Variants in SMAP1 observed in about 807,000 individuals in gnomAD.
SMAP1 encodes the protein small ArfGAP 1.
A neutral mutation model predicts 58.5 loss-of-function variants in SMAP1; 24 were observed. That is an observed-to-expected ratio of 0.41 (90% confidence interval 0.30 to 0.58). SMAP1 has a LOEUF of 0.58. Among genes scored for constraint, SMAP1 ranks in the 20% least tolerant of loss-of-function variants. The pLI, the probability that SMAP1 is intolerant of heterozygous loss-of-function variation, is 0.29. For synonymous variants in SMAP1, 216 were observed against 196.6 expected, an observed-to-expected ratio of 1.10 and a Z score of -0.82; for missense variants, 563 against 566.3, an observed-to-expected ratio of 0.99 and a Z score of 0.06.
chr6:70,833,489 C>G (rs1366508911), intron 6 of SMAP1, among the ~76,000 whole-genome samples: 1 of 152,084 alleles, frequency 6.6e-6, no homozygotes, highest in Non-Finnish European at 1.5e-5. Context: ...GATGCCAACT[C>G]TAAGGATAAT....
intron 4 of SMAP1, among the ~76,000 whole-genome samples, chr6:70,775,317 ATTATAT>A (rs1175879392): frequency 6.6e-6 from 1 of 152,146 alleles, no homozygotes; most frequent in East Asian, 1.9e-4. Flanking sequence ...AATTTTAAAA[ATTATAT>A]TTGTATTATG....
intron 6 of SMAP1, among the ~76,000 whole-genome samples, chr6:70,817,586 T>G (rs2149977605): frequency 6.6e-6 from 1 of 152,292 alleles, no homozygotes; most frequent in South Asian, 2.1e-4. Context: ...CAGGACTTAT[T>G]GAGAGTGTTC....
chr6:70,711,820 T>A (rs530176597), intron 1 of SMAP1, among the ~76,000 whole-genome samples: 1 of 152,278 alleles, frequency 6.6e-6, no homozygotes, highest in African/African-American at 2.4e-5. Context: ...GCCTAATATG[T>A]ATATATTTTT....
intron 4 of SMAP1, among the ~76,000 whole-genome samples, chr6:70,774,995 G>A (rs1767489005): frequency 6.7e-6 from 1 of 150,064 alleles, no homozygotes; most frequent in African/African-American, 2.5e-5. Context: ...GGGCAACAGA[G>A]TAAGATTCTG....
intron 5 of SMAP1, among the ~76,000 whole-genome samples, chr6:70,792,203 C>G (rs565081804): frequency 6.6e-6 from 1 of 152,152 alleles, no homozygotes; most frequent in Admixed American, 6.5e-5. Context: ...TCAGAATCAT[C>G]AATGACAACT....
chr6:70,749,147 G>A (rs1310447279), intron 2 of SMAP1, among the ~76,000 whole-genome samples: 1 of 152,174 alleles, frequency 6.6e-6, no homozygotes, highest in Non-Finnish European at 1.5e-5. Context: ...AAGGCGAGGG[G>A]AAAGCAAGGC....
chr6:70,832,078 C>T (rs549066642), intron 6 of SMAP1, among the ~76,000 whole-genome samples: 12 of 151,962 alleles, frequency 7.9e-5, no homozygotes, highest in African/African-American at 1.4e-4. Context: ...TTTTGAAAAG[C>T]GCTTATGTCC....
In SMAP1 at chr6:70,668,215, G is replaced by C. The variant is rs538468540; in HGVS notation, c.118+74G>C. The C allele has an allele frequency of 8.8e-6, 12 of 1,368,072 alleles. No homozygotes were observed. In the African/African-American group the frequency reaches 1.8e-4, roughly 21 times the overall value. The allele number at this position is 1,368,072 out of a possible 1,614,324, so 84.7% of individuals were successfully genotyped here. ...TGACCTTCCCGCCGCTGCGGCGCTC[G>C]GGGCCCGAGCGGACGCCTCGGCTTC... is the stretch of plus-strand genomic sequence containing the variant. On this transcript the variant is annotated intron_variant, in intron 1 of 10. Coordinates refer to ENST00000370455, the MANE Select transcript of SMAP1 (RefSeq NM_001044305.3).
intron 1 of SMAP1, among the ~76,000 whole-genome samples, chr6:70,714,724 ATGT>A (rs1490150425): frequency 1.3e-5 from 2 of 152,100 alleles, no homozygotes; most frequent in South Asian, 4.1e-4. Context: ...AAAAAACATT[ATGT>A]TGTTGTTTTG....
chr6:70,751,003 G>A (rs1466759180), intron 2 of SMAP1, among the ~76,000 whole-genome samples: 4 of 152,166 alleles, frequency 2.6e-5, no homozygotes, highest in African/African-American at 9.7e-5. Flanking sequence ...ACTTTGGGAG[G>A]CCCAGGCGGG....
chr6:70,791,589 AT>A, intron 4 of SMAP1, 99 bp from the exon 5 acceptor site: 3 of 915,584 alleles, frequency 3.3e-6, no homozygotes, highest in Non-Finnish European at 5.0e-6. Context: ...GTGCTTCTAT[AT>A]CTCAAAAATA....
chr6:70,770,974 A>G (rs1767269681), intron 3 of SMAP1, among the ~76,000 whole-genome samples: 1 of 152,002 alleles, frequency 6.6e-6, no homozygotes. Flanking sequence ...AACAGACAGG[A>G]CCCTCAGCTT....
chr6:70,678,312 C>T (rs773508602), intron 1 of SMAP1, among the ~76,000 whole-genome samples: 19 of 152,052 alleles, frequency 1.2e-4, no homozygotes, highest in Admixed American at 6.5e-4. Flanking sequence ...CAGTGATGAG[C>T]TCAAGCCTAA....
At chr6:70,718,964 A>G (rs1768395589) in intron 1 of SMAP1, among the ~76,000 whole-genome samples, 1 of 151,738 alleles carries the variant, frequency 6.6e-6, no homozygotes, top group Non-Finnish European at 1.5e-5. Flanking sequence ...TTAATGTGTG[A>G]TTTCACCTTA....
chr6:70,793,098 G>A lies in SMAP1; in HGVS notation c.495+1329G>A, dbSNP rs530019395. 2.1e-4 allele frequency among the ~76,000 whole-genome samples: 32 copies of A among 152,150 alleles called. No individual in the cohort carries two copies. In the South Asian group the frequency reaches 6.6e-3, roughly 32 times the overall value. On this transcript the variant is annotated intron_variant, in intron 5 of 10. Coordinates refer to ENST00000370455, the MANE Select transcript of SMAP1 (RefSeq NM_001044305.3). ...TTGCCAGGCTGGACTGCAGTGGCGC[G>A]ATCTCGGCTTACTGCAGCCTCCATC...
intron 1 of SMAP1, among the ~76,000 whole-genome samples, chr6:70,671,732 T>G (rs539924877): frequency 6.6e-6 from 1 of 152,238 alleles, no homozygotes; most frequent in Admixed American, 6.5e-5. Flanking sequence ...ATACAACATA[T>G]GAACTTTTGT....
intron 6 of SMAP1, among the ~76,000 whole-genome samples, chr6:70,834,014 A>G (rs1770467460): frequency 6.6e-6 from 1 of 152,224 alleles, no homozygotes; most frequent in Non-Finnish European, 1.5e-5. Context: ...AAGCTTTTAG[A>G]ACACAGATAC....
intron 3 of SMAP1, among the ~76,000 whole-genome samples, chr6:70,761,115 T>C (rs1416783382): frequency 6.6e-6 from 1 of 152,036 alleles, no homozygotes; most frequent in Non-Finnish European, 1.5e-5. Context: ...AATTTAGTTG[T>C]CTTTCAAATG....
At chr6:70,803,910 A>G (rs1329353083) in intron 6 of SMAP1, among the ~76,000 whole-genome samples, 1 of 152,176 alleles carries the variant, frequency 6.6e-6, no homozygotes, top group African/African-American at 2.4e-5. Flanking sequence ...TTTACTTCCA[A>G]TTATGTGTCA....
Sources: allele counts gnomAD v4.1 joint callset (sites outside exome capture counted in the v4.1 genomes callset), GRCh38; gene constraint gnomAD v4.1.1; transcripts MANE v1.5; gene names NCBI Gene and HGNC (gene_info 2026-07-23, HGNC 2026-07-21).